LDHC: variants seen among roughly 807,000 people sequenced by gnomAD.
The protein encoded by LDHC is L-lactate dehydrogenase C chain.
LDHC carries 20 observed loss-of-function variants against 30.2 expected under a neutral mutation model. The observed-to-expected ratio is 0.66, with a 90% CI of 0.47 to 0.96. The LOEUF is 0.96. Among genes scored for constraint, LDHC ranks in the 40% least tolerant of loss-of-function variants. The pLI, the probability that LDHC is intolerant of heterozygous loss-of-function variation, is 0.00. For missense variants in LDHC, 362 were observed against 394.9 expected, an observed-to-expected ratio of 0.92 and a Z score of 0.71; for synonymous variants, 139 against 132.7, an observed-to-expected ratio of 1.05 and a Z score of -0.32.
Position 18,446,285 on chromosome 11 carries a change from C to A in LDHC, c.786C>A (p.Ser262=). The part of the protein sequence containing the change: ...IGLSVMDLVG[S]ILKNLRRVHP... ...TGTCTGTGATGGATTTGGTAGGATC[C>A]ATTTTGAAAAATCTTAGGAGAGTGC... is the stretch of plus-strand genomic sequence containing the variant. Residue 262 remains serine, a synonymous_variant, in exon 7 of 8, where the codon TCC becomes TCA. Coordinates refer to ENST00000541669, the MANE Select transcript of LDHC (RefSeq NM_017448.5). The A allele has an allele frequency of 6.2e-7, 1 of 1,606,386 alleles. No individual in the cohort carries two copies. The highest frequency in any genetic ancestry group is 1.1e-5 in the South Asian group (1 of 90,938).
chr11:18,423,541 T>G (rs980722340), intron 3 of LDHC, among the ~76,000 whole-genome samples: 1 of 152,284 alleles, frequency 6.6e-6, no homozygotes, highest in East Asian at 1.9e-4. Context: ...ACACACACCC[T>G]ACCTGATACC....
In LDHC at chr11:18,421,969, C is replaced by CA. The variant is rs374216461; in HGVS notation, c.244+6673dup. Among the ~76,000 whole-genome samples, 205 of 151,514 alleles carry CA rather than the reference C, an allele frequency of 1.4e-3. 3 individuals carry two copies. The highest frequency in any genetic ancestry group is 4.9e-3 in the African/African-American group (201 of 41,046). On this transcript the variant is annotated intron_variant, in intron 3 of 7. Transcript: ENST00000541669. The stretch of plus-strand genomic sequence containing the variant: ...TGAAACCCTGTCTCTACTAAAACTA[C>CA]AAAAATTAGCTGCATGTGGTGGTGC...
At chr11:18,439,836 A>AAAG (rs760393088) in intron 6 of LDHC, among the ~76,000 whole-genome samples, 1 of 137,412 alleles carries the variant, frequency 7.3e-6, no homozygotes, top group African/African-American at 2.8e-5. Context: ...AAAAAAAAAA[A>AAAG]CAAAAATTAG....
At chr11:18,446,890 T>C (rs1349806966) in intron 7 of LDHC, among the ~76,000 whole-genome samples, 3 of 151,904 alleles carry the variant, frequency 2.0e-5, no homozygotes, top group Non-Finnish European at 4.4e-5. Context: ...GTTGTGAAGG[T>C]AAGGAAAATC....
chr11:18,434,574 G>A (rs1848323276), intron 4 of LDHC, among the ~76,000 whole-genome samples, 166 bp from the exon 5 acceptor site: 1 of 152,128 alleles, frequency 6.6e-6, no homozygotes, highest in Non-Finnish European at 1.5e-5. Context: ...GCCTCCCAAA[G>A]TGCCAGGGGA....
chr11:18,442,297 T>C (rs1476476298), intron 6 of LDHC, among the ~76,000 whole-genome samples: 1 of 152,200 alleles, frequency 6.6e-6, no homozygotes, highest in Non-Finnish European at 1.5e-5. Context: ...TTGCCTGAAC[T>C]CAAACTCAAG....
chr11:18,431,346 C>T (rs1309571629), intron 4 of LDHC, among the ~76,000 whole-genome samples: 1 of 151,874 alleles, frequency 6.6e-6, no homozygotes, highest in East Asian at 1.9e-4. Flanking sequence ...CCTGTAATCC[C>T]AGCTACTCAA....
intron 5 of LDHC, among the ~76,000 whole-genome samples, chr11:18,438,029 T>C (rs996983366): frequency 5.3e-5 from 8 of 151,966 alleles, no homozygotes; most frequent in Admixed American, 3.3e-4. Context: ...CAAGCCACTA[T>C]GCTACAGCCT....
At position 18,451,892 on chromosome 11, in the gene LDHC, T is replaced by C. The variant is rs1845710; in HGVS notation, c.*765T>C. Reference sequence around the variant, plus strand: ...CCAGGAGTTCAAGGCTATGATTGTGTCACTGCACTCCAGCCTGGGCCACAG... The same window carrying C: ...CCAGGAGTTCAAGGCTATGATTGTGCCACTGCACTCCAGCCTGGGCCACAG... On this transcript the variant is annotated 3_prime_UTR_variant, in exon 8 of 8. Coordinates refer to ENST00000541669, the MANE Select transcript of LDHC (RefSeq NM_017448.5). The C allele has an allele frequency of 0.99, 151,418 of 152,340 alleles. 75,259 individuals carry two copies. The highest frequency in any genetic ancestry group is 1 in the Middle Eastern group (294 of 294). The allele number at this position is 152,340 out of a possible 1,614,324, so 9.4% of individuals were successfully genotyped here.
chr11:18,448,189 G>C (rs1166188530), intron 7 of LDHC, among the ~76,000 whole-genome samples: 2 of 152,130 alleles, frequency 1.3e-5, no homozygotes, highest in African/African-American at 4.8e-5. Flanking sequence ...AAAGAGTCAG[G>C]GAAGTGTCAA....
rs1866913030 is a variant in LDHC, at chr11:18,412,619, A to G, written c.-9-90A>G. The G allele has an allele frequency of 5.0e-6, 6 of 1,197,952 alleles. No homozygotes were observed. The East Asian group carries it at 1.2e-4, about 25-fold the overall frequency. The allele number at this position is 1,197,952 out of a possible 1,614,324, so 74.2% of individuals were successfully genotyped here. ...GAAATTCTTTCTTTGGCTTCCCCCC[A>G]TCCCCGGCTCCAACATTCTGCAAAC... On this transcript the variant is annotated intron_variant, in intron 1 of 7. Coordinates refer to ENST00000541669, the MANE Select transcript of LDHC (RefSeq NM_017448.5).
intron 4 of LDHC, among the ~76,000 whole-genome samples, chr11:18,432,745 C>T (rs545468978): frequency 2.2e-4 from 34 of 152,204 alleles, no homozygotes; most frequent in African/African-American, 6.5e-4. Flanking sequence ...ACTGCTGTTG[C>T]TTTAAAGTTT....
intron 6 of LDHC, among the ~76,000 whole-genome samples, chr11:18,442,660 CTTT>C (rs34884188): frequency 3.3e-4 from 37 of 112,612 alleles, no homozygotes; most frequent in African/African-American, 1.0e-3. Context: ...TTCTCTCTCT[CTTT>C]TTTTTTTTTT....
intron 3 of LDHC, among the ~76,000 whole-genome samples, chr11:18,427,221 T>G (rs772603063): frequency 3.3e-5 from 5 of 151,978 alleles, no homozygotes; most frequent in Non-Finnish European, 4.4e-5. Context: ...CCGGGCATGG[T>G]GGTGGGCTCC....
chr11:18,433,261 C>T (rs967180063), intron 4 of LDHC, among the ~76,000 whole-genome samples: 1 of 152,080 alleles, frequency 6.6e-6, no homozygotes, highest in Non-Finnish European at 1.5e-5. Context: ...TCGTGGGCAC[C>T]TGTAGTCCCA....
At chr11:18,442,518 A>G (rs1328390737) in intron 6 of LDHC, among the ~76,000 whole-genome samples, 1 of 152,222 alleles carries the variant, frequency 6.6e-6, no homozygotes, top group Non-Finnish European at 1.5e-5. Flanking sequence ...CACAGTAGGT[A>G]AACAGAATCC....
At chr11:18,440,231 C>T (rs111833653) in intron 6 of LDHC, among the ~76,000 whole-genome samples, 23,161 of 150,654 alleles carry the variant, frequency 0.15, 1,998 homozygotes, top group African/African-American at 0.23. Context: ...GGAGAATCGC[C>T]TGAACCTGGG....
intron 7 of LDHC, among the ~76,000 whole-genome samples, chr11:18,447,275 A>G (rs1012787713): frequency 6.6e-6 from 1 of 151,916 alleles, no homozygotes; most frequent in Non-Finnish European, 1.5e-5. Flanking sequence ...CTGGGACTAT[A>G]GGCACCCACC....
chr11:18,423,311 T>C (rs1565048704), intron 3 of LDHC, among the ~76,000 whole-genome samples: 1 of 152,206 alleles, frequency 6.6e-6, no homozygotes, highest in Non-Finnish European at 1.5e-5. Context: ...TTATATGCAA[T>C]CCTAGTCAAA....
Sources: gnomAD v4.1 joint callset for allele counts (sites outside exome capture counted in the v4.1 genomes callset) on GRCh38, gnomAD v4.1.1 for gene constraint, MANE v1.5 for transcripts, NCBI Gene and HGNC (gene_info 2026-07-23, HGNC 2026-07-21) for gene names.